Variants in RANBP17 observed in about 807,000 individuals in gnomAD.
RANBP17 encodes the protein ran-binding protein 17.
In RANBP17, 158 loss-of-function variants were observed where a neutral mutation model predicts 141.2. The ratio of observed to expected loss-of-function variants is 1.12; its 90% confidence interval spans 0.98 to 1.28. RANBP17 has a LOEUF of 1.28. Among genes scored for constraint, RANBP17 ranks in the 50% most tolerant of loss-of-function variants. The pLI is 0.00. For synonymous variants in RANBP17, 430 were observed against 450.0 expected (o/e 0.96, Z 0.56); for missense variants, 1,438 against 1,290.7 (o/e 1.11, Z -1.75).
At chr5:171,210,010 T>A (rs1037534126) in intron 20 of RANBP17, among the ~76,000 whole-genome samples, 3 of 152,220 alleles carry the variant, frequency 2.0e-5, no homozygotes, top group Non-Finnish European at 4.4e-5. Flanking sequence ...CTTGATACTT[T>A]TCACATTTTC....
intron 22 of RANBP17, among the ~76,000 whole-genome samples, chr5:171,233,852 C>T (rs1171320869): frequency 1.3e-5 from 2 of 152,136 alleles, no homozygotes; most frequent in African/African-American, 2.4e-5. Context: ...ATAAAAGGTA[C>T]ACCACCAACA....
intron 14 of RANBP17, among the ~76,000 whole-genome samples, chr5:171,039,945 C>CATA (rs1561582515): frequency 6.6e-6 from 1 of 152,070 alleles, no homozygotes; most frequent in Non-Finnish European, 1.5e-5. Context: ...ACCACATGTA[C>CATA]ATAGAAGAGC....
chr5:170,939,373 T>C (rs922860763), intron 12 of RANBP17, among the ~76,000 whole-genome samples: 41 of 142,790 alleles, frequency 2.9e-4, no homozygotes, highest in Middle Eastern at 3.4e-3. Flanking sequence ...ATTTATTTAT[T>C]TATTTATTTA....
intron 14 of RANBP17, among the ~76,000 whole-genome samples, chr5:171,153,934 G>A (rs745397425): frequency 1.6e-4 from 25 of 152,016 alleles, no homozygotes; most frequent in South Asian, 2.1e-4. Context: ...GGGTGAGGCA[G>A]GAGAATCTCT....
At chr5:170,898,309 G>A (rs1281914118) in intron 5 of RANBP17, among the ~76,000 whole-genome samples, 8 of 152,084 alleles carry the variant, frequency 5.3e-5, no homozygotes, top group South Asian at 4.2e-4. Context: ...TCATACGGTT[G>A]TTGGCCACAT....
rs1010031438 is a variant in RANBP17, at chr5:171,133,191, T to C, written c.1711-36939T>C. ...GAGCCACCGCGCCCGGCTGAATGTT[T>C]GTCTTTTAATAAATTAAGCTAACAT... is the stretch of plus-strand genomic sequence containing the variant. On this transcript the variant is annotated intron_variant, in intron 14 of 27. Coordinates refer to ENST00000523189, the MANE Select transcript of RANBP17 (RefSeq NM_022897.5). 2.0e-5 allele frequency among the ~76,000 whole-genome samples: 3 copies of C among 152,312 alleles called. No homozygotes were observed. In the East Asian group the frequency reaches 5.8e-4, roughly 29 times the overall value.
At chr5:171,279,964 C>T (rs1441205548) in intron 25 of RANBP17, among the ~76,000 whole-genome samples, 4 of 152,166 alleles carry the variant, frequency 2.6e-5, no homozygotes, top group Non-Finnish European at 4.4e-5. Flanking sequence ...ACCTTTTCAT[C>T]CCTGTCTAAG....
chr5:171,233,567 AT>A (rs1764341967), intron 22 of RANBP17, among the ~76,000 whole-genome samples: 1 of 152,216 alleles, frequency 6.6e-6, no homozygotes. Flanking sequence ...CTAAAAAAAA[AT>A]AAATAAAGCT....
At position 170,915,751 on chromosome 5, in the gene RANBP17, G is replaced by GC. The variant is rs1174961234; in HGVS notation, c.835-706dup. Among the ~76,000 whole-genome samples the GC allele has an allele frequency of 1.2e-4, 18 of 150,832 alleles. No homozygotes were observed. The South Asian group carries it at 1.7e-3, about 14-fold the overall frequency. On this transcript the variant is annotated intron_variant, in intron 8 of 27. Transcript: ENST00000523189. Reference sequence around the variant, plus strand: ...CTGGATTACATTACAGGTTCCCCCTGCCCCCCCCAACAGGATACCACGGTA... The same window carrying GC: ...CTGGATTACATTACAGGTTCCCCCTGCCCCCCCCCAACAGGATACCACGGTA...
rs577269318 is a variant in RANBP17, at chr5:171,292,207, C to T, written c.2944-1676C>T. On this transcript the variant is annotated intron_variant, in intron 25 of 27. Coordinates refer to ENST00000523189, the MANE Select transcript of RANBP17 (RefSeq NM_022897.5). ...AACATCCCAAGCTTAAGTCCTCTCCCCAGAGAGACTGGACATACCATAAAT... is the reference window on the plus strand; with the variant it reads ...AACATCCCAAGCTTAAGTCCTCTCCTCAGAGAGACTGGACATACCATAAAT... Among the ~76,000 whole-genome samples the T allele has an allele frequency of 3.1e-4, 46 of 150,404 alleles. 1 individual carries two copies. The South Asian group carries it at 9.6e-3, about 32-fold the overall frequency.
At chr5:171,029,777 G>GA (rs373145835) in intron 14 of RANBP17, among the ~76,000 whole-genome samples, 31 of 151,754 alleles carry the variant, frequency 2.0e-4, no homozygotes, top group Admixed American at 4.6e-4. Context: ...TTTATTTGAG[G>GA]AAAAAAATCT....
chr5:171,122,611 C>T (rs1209112176), intron 14 of RANBP17, among the ~76,000 whole-genome samples: 1 of 152,178 alleles, frequency 6.6e-6, no homozygotes, highest in Non-Finnish European at 1.5e-5. Flanking sequence ...AAATAAAAGG[C>T]AAGCAAGAGA....
At chr5:171,061,808 G>T (rs1184649768) in intron 14 of RANBP17, among the ~76,000 whole-genome samples, 1 of 152,160 alleles carries the variant, frequency 6.6e-6, no homozygotes, top group African/African-American at 2.4e-5. Flanking sequence ...AAGTCTCTTT[G>T]TAGGTCACTC....
intron 14 of RANBP17, among the ~76,000 whole-genome samples, chr5:171,011,496 T>C (rs1316477772): frequency 2.6e-5 from 4 of 151,966 alleles, no homozygotes; most frequent in African/African-American, 9.7e-5. Flanking sequence ...TCCAATGACA[T>C]ATTTTGGAAA....
chr5:170,879,202 A>G (rs972561492), intron 2 of RANBP17, among the ~76,000 whole-genome samples: 9 of 152,184 alleles, frequency 5.9e-5, no homozygotes, highest in Admixed American at 1.3e-4. Context: ...CTAAATACTA[A>G]TATCAGTCCA....
intron 6 of RANBP17, 133 bp from the exon 7 acceptor site, chr5:170,910,836 A>G (rs1771464764): frequency 3.6e-6 from 3 of 826,972 alleles, no homozygotes; most frequent in South Asian, 1.9e-5. Flanking sequence ...TTACTTCCTT[A>G]TATATGGAAC....
rs1431858173 is a variant in RANBP17, at chr5:170,894,484, TTTTATATATATATA to T, written c.424-1564_424-1551del. On this transcript the variant is annotated intron_variant, in intron 4 of 27. Coordinates refer to ENST00000523189, the MANE Select transcript of RANBP17 (RefSeq NM_022897.5). ...CACCATAGAATAGTTAGTACGTGTT[TTTTATATATATATA>T]TATATATATGGCTTGACCTAACCCT... 5.0e-4 allele frequency among the ~76,000 whole-genome samples: 8 copies of T among 16,028 alleles called. 1 individual carries two copies. Among genetic ancestry groups the T allele is most frequent in the African/African-American group, 1.7e-3 (8 of 4,662 alleles). The allele number at this position is 16,028 out of a possible 152,430, so 10.5% of individuals were successfully genotyped here.
chr5:171,187,800 A>G (rs921405395), intron 18 of RANBP17, among the ~76,000 whole-genome samples: 23 of 152,206 alleles, frequency 1.5e-4, no homozygotes, highest in African/African-American at 3.1e-4. Flanking sequence ...CATTTCTCAT[A>G]TTTGAATACT....
intron 25 of RANBP17, among the ~76,000 whole-genome samples, chr5:171,283,674 A>T (rs946791265): frequency 1.6e-4 from 25 of 152,240 alleles, no homozygotes; most frequent in African/African-American, 5.8e-4. Flanking sequence ...TTCGTAGTTC[A>T]TGAGCATGAT....
Sources: allele counts gnomAD v4.1 joint callset (sites outside exome capture counted in the v4.1 genomes callset), GRCh38; gene constraint gnomAD v4.1.1; transcripts MANE v1.5; gene names NCBI Gene and HGNC (gene_info 2026-07-23, HGNC 2026-07-21).